The following GLP1R variants were observed in gnomAD, a reference collection of about 807,000 sequenced individuals.
GLP1R encodes glucagon-like peptide 1 receptor.
A neutral mutation model predicts 68.4 loss-of-function variants in GLP1R; 32 were observed. That is an observed-to-expected ratio of 0.47 (90% CI 0.35 to 0.63). GLP1R has a LOEUF of 0.63. GLP1R is among the 20% of genes least tolerant of loss of function. The pLI is 0.00. For synonymous variants in GLP1R, 263 were observed against 244.4 expected (o/e 1.08, Z -0.71); for missense variants, 502 against 594.9 (o/e 0.84, Z 1.62).
intron 8 of GLP1R, 56 bp downstream of exon 8, chr6:39,078,438 A>C (rs1212316311): frequency 1.7e-6 from 2 of 1,211,778 alleles, no homozygotes; most frequent in African/African-American, 3.0e-5. Context: ...CTCAAGGTCC[A>C]TGGGATTCCT....
chr6:39,085,887 C>T lies in GLP1R; in HGVS notation c.1225-19C>T, dbSNP rs1769131062. ...TGGTTTGCATGATGGCTTTCGTTTC[C>T]CTCCTTTTCCCATGGAAGGTCCAGC... On this transcript the variant is annotated intron_variant, in intron 12 of 12. Transcript: ENST00000373256. The T allele has an allele frequency of 6.2e-7, 1 of 1,613,196 alleles. No individual in the cohort carries two copies. The highest frequency in any genetic ancestry group is 8.5e-7 in the Non-Finnish European group (1 of 1,179,346).
intron 5 of GLP1R, among the ~76,000 whole-genome samples, chr6:39,068,686 C>T (rs1768583039): frequency 6.6e-6 from 1 of 152,212 alleles, no homozygotes; most frequent in Admixed American, 6.5e-5. Flanking sequence ...CCTGGGCCCA[C>T]TTGAGCCGCA....
At chr6:39,065,150 G>A (rs1452479596) in intron 3 of GLP1R, among the ~76,000 whole-genome samples, 1 of 151,886 alleles carries the variant, frequency 6.6e-6, no homozygotes, top group East Asian at 1.9e-4. Flanking sequence ...GCAGGGCTGT[G>A]TCTCTCTCTC....
At chr6:39,058,742 A>G (rs1252334319) in intron 3 of GLP1R, among the ~76,000 whole-genome samples, 2 of 152,244 alleles carry the variant, frequency 1.3e-5, no homozygotes, top group East Asian at 3.9e-4. Flanking sequence ...CCTGCCCTAA[A>G]AGCAGGGCTT....
At chr6:39,062,676 G>A (rs742763) in intron 3 of GLP1R, among the ~76,000 whole-genome samples, 19,281 of 152,222 alleles carry the variant, frequency 0.13, 1,412 homozygotes, top group Admixed American at 0.2. Flanking sequence ...GAGGAGAATG[G>A]CACATGCCAC....
At chr6:39,078,244 C>T in intron 7 of GLP1R, 78 bp from the exon 8 acceptor site, 2 of 1,006,338 alleles carry the variant, frequency 2.0e-6, no homozygotes, top group Non-Finnish European at 3.2e-6. Flanking sequence ...GGGCTTGGGG[C>T]AGGGAGAGGC....
At chr6:39,063,154 C>T (rs1026688632) in intron 3 of GLP1R, among the ~76,000 whole-genome samples, 1 of 152,170 alleles carries the variant, frequency 6.6e-6, no homozygotes, top group Non-Finnish European at 1.5e-5. Context: ...CTTCCTTTCT[C>T]CCCATTTCCT....
intron 5 of GLP1R, among the ~76,000 whole-genome samples, chr6:39,072,063 G>A (rs1424675784): frequency 3.3e-5 from 5 of 152,018 alleles, no homozygotes; most frequent in Admixed American, 6.5e-5. Flanking sequence ...TTTTTTTAAC[G>A]CAGGCATATA....
rs541124313 is a variant in GLP1R at position 39,062,903 on chromosome 6, G to C, written c.284-2808G>C. Among the ~76,000 whole-genome samples the C allele has an allele frequency of 1.6e-4, 24 of 152,304 alleles. 1 individual carries two copies. Among genetic ancestry groups the C allele is most frequent in the Non-Finnish European group, 3.1e-4 (21 of 68,030 alleles). On this transcript the variant is annotated intron_variant, in intron 3 of 12. Transcript: ENST00000373256. ...GTCCAAAGGTGTCAGGTGTACAGTAGGTGTTCAAAAACTGATTCTGTGAAG... is the reference window on the plus strand; with the variant it reads ...GTCCAAAGGTGTCAGGTGTACAGTACGTGTTCAAAAACTGATTCTGTGAAG...
In GLP1R at chr6:39,089,447, A is replaced by G. The variant is rs1769230884; in HGVS notation, c.*3374A>G. Among the ~76,000 whole-genome samples the G allele has an allele frequency of 6.6e-6, 1 of 152,182 alleles. No homozygotes were observed. The highest frequency in any genetic ancestry group is 6.5e-5 in the Admixed American group (1 of 15,280). On this transcript the variant is annotated 3_prime_UTR_variant, in exon 13 of 13. Coordinates refer to ENST00000373256, the MANE Select transcript of GLP1R (RefSeq NM_002062.5). This position sits in a 1 kb window ranked among gnomAD's most constrained non-coding sequence, Gnocchi z 4.1. The stretch of plus-strand genomic sequence containing the variant: ...GCAACTGTAGCCTAGCAAAGATGGC[A>G]CAGCACCACAAAGGGCAAATGGAGT...
rs190519072 is a variant in GLP1R, at chr6:39,073,499, T to C, written c.664-111T>C. On this transcript the variant is annotated intron_variant, in intron 6 of 12. Coordinates refer to ENST00000373256, the MANE Select transcript of GLP1R (RefSeq NM_002062.5). ...GCCCTAGCCAGAGATGTGAGCTCTC[T>C]CCTCCTGCATTAACCATGGCAGGAT... 3.2e-5 allele frequency: 29 copies of C among 905,328 alleles called. No homozygotes were observed. In the East Asian group the frequency reaches 6.5e-4, roughly 20 times the overall value. 56.1% of individuals were successfully genotyped at this position (905,328 alleles called of 1,614,324 possible).
rs201767951 is a variant in GLP1R, at chr6:39,079,544, A to G, written c.1044-20A>G. The G allele has an allele frequency of 2.5e-5, 40 of 1,570,048 alleles. No homozygotes were observed. Among genetic ancestry groups the G allele is most frequent in the East Asian group, 1.8e-4 (8 of 44,260 alleles). On this transcript the variant is annotated intron_variant, in intron 10 of 12. Transcript: ENST00000373256. This position sits in a 1 kb window ranked among gnomAD's most constrained non-coding sequence, Gnocchi z 4.5. ...TGGGAGAGGTCCAGAATGACTCGAG[A>G]TCTCTGCCCTGCCCCTCAGACTTGC...
intron 3 of GLP1R, among the ~76,000 whole-genome samples, chr6:39,064,041 G>A (rs1306735196): frequency 6.0e-5 from 8 of 134,048 alleles, no homozygotes; most frequent in African/African-American, 2.3e-4. Context: ...TCACTCTGTC[G>A]CCTAGGCTGG....
chr6:39,079,429 C>A lies in GLP1R; in HGVS notation c.1044-135C>A. 1.0e-6 allele frequency: 1 copy of A among 968,328 alleles called. No individual in the cohort carries two copies. Among genetic ancestry groups the A allele is most frequent in the Non-Finnish European group, 1.5e-6 (1 of 654,580 alleles). The allele number at this position is 968,328 out of a possible 1,614,324, so 60.0% of individuals were successfully genotyped here. On this transcript the variant is annotated intron_variant, in intron 10 of 12. Transcript: ENST00000373256. This position sits in a 1 kb window ranked among gnomAD's most constrained non-coding sequence, Gnocchi z 4.5. ...ATTCTTTCCCTCCAGGCAGCCTGTCCCAGGGTATTTGGGGTGGGAGAACAT... is the reference window on the plus strand; with the variant it reads ...ATTCTTTCCCTCCAGGCAGCCTGTCACAGGGTATTTGGGGTGGGAGAACAT...
chr6:39,060,582 G>A (rs1768333078), intron 3 of GLP1R, among the ~76,000 whole-genome samples: 1 of 152,216 alleles, frequency 6.6e-6, no homozygotes, highest in South Asian at 2.1e-4. Flanking sequence ...CAAAGTCACA[G>A]GCAGACTTCA....
intron 12 of GLP1R, 101 bp downstream of exon 12, chr6:39,080,840 C>T: frequency 1.4e-6 from 1 of 696,874 alleles, no homozygotes; most frequent in Non-Finnish European, 2.4e-6. Context: ...CCAGCTGAAA[C>T]CCCCTACTCA....
intron 7 of GLP1R, among the ~76,000 whole-genome samples, chr6:39,075,688 G>A (rs1320392447): frequency 6.6e-6 from 1 of 152,236 alleles, no homozygotes; most frequent in Non-Finnish European, 1.5e-5. Context: ...GAGCTCAGAC[G>A]TGATGCCAGG....
At chr6:39,066,170 T>G in intron 4 of GLP1R, 27 bp from the exon 5 acceptor site, 1 of 1,258,156 alleles carries the variant, frequency 7.9e-7, no homozygotes, top group Non-Finnish European at 1.2e-6. Context: ...GCTGCCCATG[T>G]ACACGTATGT....
chr6:39,079,148 G>A lies in GLP1R; in HGVS notation c.991G>A (p.Val331Met), dbSNP rs201235247. Residue 331 changes from valine to methionine, a missense_variant, in exon 10 of 13, where the codon GTG becomes ATG. Transcript: ENST00000373256. This position sits in a 1 kb window ranked among gnomAD's most constrained non-coding sequence, Gnocchi z 4.5. ...FLIFVRVICI[V>M]VSKLKANLMC... ...CATCTTTGTTCGGGTCATCTGCATC[G>A]TGGTATCCAAACTGAAGGCCAATCT... 1.4e-5 allele frequency: 23 copies of A among 1,613,920 alleles called. No homozygotes were observed. Among genetic ancestry groups the A allele is most frequent in the African/African-American group, 5.3e-5 (4 of 74,922 alleles).
Sources: gnomAD v4.1 joint callset for allele counts (sites outside exome capture counted in the v4.1 genomes callset) on GRCh38, gnomAD v4.1.1 for gene constraint, Gnocchi (gnomAD v3.1) non-coding constraint, MANE v1.5 for transcripts, NCBI Gene and HGNC (gene_info 2026-07-23, HGNC 2026-07-21) for gene names.